Variants in TFDP2 observed in about 807,000 individuals in gnomAD.
TFDP2 encodes transcription factor Dp-2.
In TFDP2, 17 loss-of-function variants were observed where a neutral mutation model predicts 59.3. The ratio of observed to expected loss-of-function variants is 0.29; its 90% CI spans 0.20 to 0.43. The LOEUF is 0.43. TFDP2 is among the 20% of genes least tolerant of loss of function. The pLI is 1.00. For missense variants in TFDP2, 391 were observed against 528.8 expected, an observed-to-expected ratio of 0.74 and a Z score of 2.56; for synonymous variants, 180 against 194.7, an observed-to-expected ratio of 0.92 and a Z score of 0.63.
intron 1 of TFDP2, among the ~76,000 whole-genome samples, chr3:142,109,242 C>G (rs113768205): frequency 6.6e-6 from 1 of 151,920 alleles, no homozygotes; most frequent in Admixed American, 6.6e-5. Flanking sequence ...TAAAAATGTA[C>G]GAGAATCCCA....
At chr3:142,105,628 A>C (rs538626353) in intron 1 of TFDP2, among the ~76,000 whole-genome samples, 1 of 152,358 alleles carries the variant, frequency 6.6e-6, no homozygotes, top group South Asian at 2.1e-4. Flanking sequence ...TGAAATTAAC[A>C]GAGTATTACT....
intron 4 of TFDP2, among the ~76,000 whole-genome samples, chr3:142,004,771 T>A (rs1044190606): frequency 6.6e-6 from 1 of 152,108 alleles, no homozygotes; most frequent in African/African-American, 2.4e-5. Context: ...TGAGAATACA[T>A]AGTTTAGAGT....
intron 3 of TFDP2, among the ~76,000 whole-genome samples, chr3:142,047,212 G>A (rs569908009): frequency 1.3e-5 from 2 of 152,284 alleles, no homozygotes; most frequent in South Asian, 4.1e-4. Flanking sequence ...TTTATCTGAG[G>A]AATGCAAGTC....
intron 1 of TFDP2, among the ~76,000 whole-genome samples, chr3:142,103,633 C>T (rs1263996240): frequency 6.6e-6 from 1 of 152,130 alleles, no homozygotes; most frequent in African/African-American, 2.4e-5. Context: ...GAATATGTGA[C>T]AAAATGGTTA....
chr3:142,008,040 G>C lies in TFDP2; in HGVS notation c.83-2496C>G, dbSNP rs113793391. On this transcript the variant is annotated intron_variant, in intron 3 of 12. Coordinates refer to ENST00000489671, the MANE Select transcript of TFDP2 (RefSeq NM_001178139.2). Reference sequence around the variant, plus strand: ...TCGTTTAATTTGCAACTTCATATCTGGTTTGAATACAGTTACCCTCTAACT... The same window carrying C: ...TCGTTTAATTTGCAACTTCATATCTCGTTTGAATACAGTTACCCTCTAACT... Among the ~76,000 whole-genome samples the C allele has an allele frequency of 7.6e-3, 1,155 of 152,098 alleles. 18 individuals carry two copies. Among genetic ancestry groups the C allele is most frequent in the African/African-American group, 0.026 (1,085 of 41,466 alleles).
At chr3:142,113,770 G>T (rs2061744739) in intron 1 of TFDP2, among the ~76,000 whole-genome samples, 1 of 152,074 alleles carries the variant, frequency 6.6e-6, no homozygotes, top group Non-Finnish European at 1.5e-5. Context: ...TTTAGAATAC[G>T]ACTGTACTTA....
At chr3:142,117,727 G>A (rs183857997) in intron 1 of TFDP2, among the ~76,000 whole-genome samples, 10 of 152,272 alleles carry the variant, frequency 6.6e-5, no homozygotes, top group Non-Finnish European at 1.3e-4. Flanking sequence ...GCTTCTGGGG[G>A]AGAACCAGGT....
At chr3:142,038,777 A>G (rs924391819) in intron 3 of TFDP2, among the ~76,000 whole-genome samples, 5 of 152,184 alleles carry the variant, frequency 3.3e-5, no homozygotes, top group Admixed American at 6.5e-5. Context: ...TGTTAGTTTA[A>G]CTTTTTGAAC....
intron 3 of TFDP2, among the ~76,000 whole-genome samples, chr3:142,019,476 A>T (rs1437029357): frequency 6.6e-6 from 1 of 152,196 alleles, no homozygotes; most frequent in Non-Finnish European, 1.5e-5. Flanking sequence ...AGTGAGACTA[A>T]TTGCCAGGGT....
intron 3 of TFDP2, among the ~76,000 whole-genome samples, chr3:142,052,970 C>T (rs921198484): frequency 3.3e-5 from 5 of 151,868 alleles, no homozygotes; most frequent in Non-Finnish European, 5.9e-5. Flanking sequence ...CCACTACGCC[C>T]GGCTATTTTT....
Position 142,025,728 on chromosome 3 carries a change from T to G in TFDP2, c.83-20184A>C, listed in dbSNP as rs539670245. 2.0e-5 allele frequency among the ~76,000 whole-genome samples: 3 copies of G among 152,350 alleles called. No individual in the cohort carries two copies. In the East Asian group the frequency reaches 5.8e-4, roughly 29 times the overall value. ...GAGAGAAAAAACCTCAACCATTACA[T>G]GTTGCTATTCCTTAAGATAAGCAAA... On this transcript the variant is annotated intron_variant, in intron 3 of 12. Coordinates refer to ENST00000489671, the MANE Select transcript of TFDP2 (RefSeq NM_001178139.2).
rs200913279 is a variant in TFDP2, at chr3:142,112,287, ACTAT to A, written c.-92-10450_-92-10447del. ...GACTATACCAAATAAGTTTCTATTC[ACTAT>A]CTATTTATCTAGCAGTCAAACCACC... On this transcript the variant is annotated intron_variant, in intron 1 of 12. Coordinates refer to ENST00000489671, the MANE Select transcript of TFDP2 (RefSeq NM_001178139.2). 1.4e-4 allele frequency among the ~76,000 whole-genome samples: 21 copies of A among 152,308 alleles called. No homozygotes were observed. In the East Asian group the frequency reaches 1.5e-3, roughly 11 times the overall value.
At chr3:142,116,423 T>C (rs990814516) in intron 1 of TFDP2, among the ~76,000 whole-genome samples, 2 of 152,064 alleles carry the variant, frequency 1.3e-5, no homozygotes, top group Admixed American at 1.3e-4. Flanking sequence ...AAGAAGGCAG[T>C]TTCCTAGACA....
intron 2 of TFDP2, among the ~76,000 whole-genome samples, chr3:142,094,638 A>G (rs2061105657): frequency 1.3e-5 from 2 of 152,062 alleles, no homozygotes; most frequent in South Asian, 2.1e-4. Flanking sequence ...TACCACATGG[A>G]AAGGATTTTT....
At chr3:142,118,263 T>C (rs1334273133) in intron 1 of TFDP2, among the ~76,000 whole-genome samples, 1 of 152,122 alleles carries the variant, frequency 6.6e-6, no homozygotes, top group African/African-American at 2.4e-5. Flanking sequence ...GAAGAAGCAC[T>C]CTCAAATTAG....
At chr3:142,143,490 G>A (rs1335952776) in intron 1 of TFDP2, among the ~76,000 whole-genome samples, 5 of 152,012 alleles carry the variant, frequency 3.3e-5, no homozygotes, top group African/African-American at 7.2e-5. Context: ...GAAAACATTT[G>A]CAAACTACCT....
chr3:142,146,699 T>C (rs1235291424), intron 1 of TFDP2, among the ~76,000 whole-genome samples: 2 of 152,200 alleles, frequency 1.3e-5, no homozygotes, highest in African/African-American at 4.8e-5. Context: ...TGGGGTACCA[T>C]GCTTGTCAGA....
intron 10 of TFDP2, 126 bp from the exon 11 acceptor site, chr3:141,959,966 T>C: frequency 1.2e-6 from 1 of 839,264 alleles, no homozygotes; most frequent in East Asian, 2.6e-5. Flanking sequence ...ATTGCTACCA[T>C]TTAGAGAGCC....
chr3:142,108,833 C>T (rs551999414), intron 1 of TFDP2, among the ~76,000 whole-genome samples: 2 of 152,278 alleles, frequency 1.3e-5, no homozygotes, highest in African/African-American at 4.8e-5. Context: ...TCTGTAAGTT[C>T]AAAACCGTGC....
Sources: gnomAD v4.1 joint callset for allele counts (sites outside exome capture counted in the v4.1 genomes callset) on GRCh38, gnomAD v4.1.1 for gene constraint, MANE v1.5 for transcripts, NCBI Gene and HGNC (gene_info 2026-07-23, HGNC 2026-07-21) for gene names.